The following MRTFB variants were observed in gnomAD, a reference collection of about 807,000 sequenced individuals.
MRTFB encodes the protein myocardin related transcription factor B.
In MRTFB, 29 loss-of-function variants were observed where a neutral mutation model predicts 104.2. The ratio of observed to expected loss-of-function variants is 0.28; its 90% CI spans 0.21 to 0.38. The LOEUF (loss-of-function observed/expected upper bound fraction) is 0.38. MRTFB is among the 10% of genes least tolerant of loss of function. The pLI is 1.00. For missense variants in MRTFB, 1,270 were observed against 1,341.6 expected, an observed-to-expected ratio of 0.95 and a Z score of 0.83; for synonymous variants, 535 against 519.5, an observed-to-expected ratio of 1.03 and a Z score of -0.41.
At chr16:14,049,052 T>C in the MRTFB span, among the ~76,000 whole-genome samples, 4 of 152,172 alleles carry the variant, frequency 2.6e-5, no homozygotes, top group Non-Finnish European at 5.9e-5. Flanking sequence ...TCTGGAGCCA[T>C]GTTTGGCCGT....
At chr16:14,099,080 A>C (rs2035551758) in intron 2 of MRTFB, among the ~76,000 whole-genome samples, 1 of 152,140 alleles carries the variant, frequency 6.6e-6, no homozygotes, top group African/African-American at 2.4e-5. Flanking sequence ...ATCCATTTGG[A>C]GTTTAGAATC....
chr16:14,198,743 A>C (rs547071626), intron 3 of MRTFB, among the ~76,000 whole-genome samples: 59 of 152,346 alleles, frequency 3.9e-4, no homozygotes, highest in African/African-American at 1.4e-3. Context: ...GGAACTCCCT[A>C]GATGTCCCAG....
intron 2 of MRTFB, among the ~76,000 whole-genome samples, chr16:14,105,790 C>T (rs984851525): frequency 5.9e-5 from 9 of 152,146 alleles, no homozygotes; most frequent in African/African-American, 2.2e-4. Context: ...GCTTTACTGT[C>T]ATTATTAAAG....
chr16:14,017,369 T>C, the MRTFB span, among the ~76,000 whole-genome samples: 1 of 151,644 alleles, frequency 6.6e-6, no homozygotes, highest in Non-Finnish European at 1.5e-5. Context: ...TGCAGTCTTC[T>C]TAACAGCAGA....
intron 2 of MRTFB, among the ~76,000 whole-genome samples, chr16:14,081,492 C>T (rs574039521): frequency 2.0e-4 from 30 of 152,228 alleles, no homozygotes; most frequent in Middle Eastern, 6.8e-3. Flanking sequence ...GGGGTTTCAC[C>T]GTGTTGGCCA....
chr16:14,042,889 G>C, the MRTFB span, among the ~76,000 whole-genome samples: 19 of 152,284 alleles, frequency 1.2e-4, no homozygotes, highest in East Asian at 3.5e-3. Context: ...TCCATTGTGT[G>C]GGCCTGGATG....
At chr16:14,228,020 A>G (rs892421162) in intron 8 of MRTFB, among the ~76,000 whole-genome samples, 1 of 152,156 alleles carries the variant, frequency 6.6e-6, no homozygotes, top group Non-Finnish European at 1.5e-5. Flanking sequence ...CAATTGGCCA[A>G]TAAGCATCTA....
intron 16 of MRTFB, among the ~76,000 whole-genome samples, chr16:14,258,589 A>C (rs1309950514): frequency 6.6e-6 from 1 of 152,270 alleles, no homozygotes; most frequent in African/African-American, 2.4e-5. Context: ...ATCCACAGAT[A>C]GATGCCTGCT....
At chr16:14,035,396 G>A in the MRTFB span, among the ~76,000 whole-genome samples, 3 of 152,266 alleles carry the variant, frequency 2.0e-5, no homozygotes, top group East Asian at 5.8e-4. Flanking sequence ...TTCTATCTCA[G>A]AAATTTAGCT....
intron 2 of MRTFB, among the ~76,000 whole-genome samples, chr16:14,102,385 GATA>G (rs542856360): frequency 4.6e-5 from 7 of 152,268 alleles, no homozygotes; most frequent in South Asian, 2.1e-4. Flanking sequence ...AAGTGGAGAT[GATA>G]ATGATACCTT....
chr16:14,037,702 G>A, the MRTFB span, among the ~76,000 whole-genome samples: 5 of 152,140 alleles, frequency 3.3e-5, no homozygotes, highest in African/African-American at 1.2e-4. Flanking sequence ...AACTGGGGCT[G>A]ATTCTTAAGG....
rs146780007 is a variant in MRTFB at position 14,081,453 on chromosome 16, C to T, written c.-64+2099C>T. Among the ~76,000 whole-genome samples the T allele has an allele frequency of 5.3e-4, 80 of 152,194 alleles. 2 individuals are homozygous for T. The East Asian group carries it at 0.014, about 27-fold the overall frequency. On this transcript the variant is annotated intron_variant, in intron 2 of 16. Transcript: ENST00000571589. ...GATTACAGGCATCCGCCATCATGCC[C>T]GGCTAATTTTTGTATTTTTAGTAGA...
chr16:14,170,346 C>T (rs2039383360), intron 3 of MRTFB: 1 of 152,160 alleles, frequency 6.6e-6, no homozygotes. Flanking sequence ...CCCAACTACT[C>T]AGAAGGCAAG....
chr16:14,139,104 T>G (rs1186033592), intron 2 of MRTFB, among the ~76,000 whole-genome samples: 1 of 152,148 alleles, frequency 6.6e-6, no homozygotes, highest in African/African-American at 2.4e-5. Context: ...AAAAATACTC[T>G]CCATAAAACA....
At chr16:14,003,441 CG>C in the MRTFB span, among the ~76,000 whole-genome samples, 2 of 152,204 alleles carry the variant, frequency 1.3e-5, no homozygotes, top group African/African-American at 4.8e-5. Flanking sequence ...TCTTCCCTGC[CG>C]TGGTTTGGAA....
the MRTFB span, among the ~76,000 whole-genome samples, chr16:14,008,933 T>A: frequency 6.6e-6 from 1 of 151,080 alleles, no homozygotes; most frequent in Non-Finnish European, 1.5e-5. Flanking sequence ...CATTCTTTTT[T>A]AAAATTTTAT....
chr16:14,005,898 C>T, the MRTFB span, among the ~76,000 whole-genome samples: 4 of 152,296 alleles, frequency 2.6e-5, no homozygotes, highest in South Asian at 8.3e-4. Context: ...TATCATGTTC[C>T]ACTGCCAAGC....
intron 3 of MRTFB, among the ~76,000 whole-genome samples, chr16:14,205,378 G>A (rs1273759145): frequency 2.0e-5 from 3 of 152,134 alleles, no homozygotes. Flanking sequence ...TGCTTTGCCT[G>A]CCTCTTGTGA....
At chr16:14,202,584 A>G (rs2040755395) in intron 3 of MRTFB, among the ~76,000 whole-genome samples, 2 of 152,150 alleles carry the variant, frequency 1.3e-5, no homozygotes, top group African/African-American at 4.8e-5. Flanking sequence ...TTAAAGCCTT[A>G]TGGTTTTATA....
Sources: gnomAD v4.1 joint callset for allele counts (sites outside exome capture counted in the v4.1 genomes callset) on GRCh38, gnomAD v4.1.1 for gene constraint, MANE v1.5 for transcripts, NCBI Gene and HGNC (gene_info 2026-07-23, HGNC 2026-07-21) for gene names.